Variants in LUC7L2 observed in about 807,000 individuals in gnomAD.
The protein encoded by LUC7L2 is LUC7 like 2, pre-mRNA splicing factor.
Under a neutral mutation model 52.8 loss-of-function variants are expected in LUC7L2, and 25 were observed. The ratio of observed to expected loss-of-function variants is 0.47; its 90% CI spans 0.34 to 0.66. LUC7L2 has a LOEUF of 0.66. Ranked by LOEUF, LUC7L2 falls within the 30% of genes least tolerant of loss-of-function variation. LUC7L2 has a pLI of 0.01. For missense variants in LUC7L2, 328 were observed against 497.8 expected, an observed-to-expected ratio of 0.66 and a Z score of 3.25; for synonymous variants, 144 against 160.9, an observed-to-expected ratio of 0.89 and a Z score of 0.80.
intron 2 of LUC7L2, 47 bp from the exon 3 acceptor site, chr7:139,398,552 T>TA (rs746086729): frequency 6.6e-7 from 1 of 1,522,000 alleles, no homozygotes; most frequent in African/African-American, 1.4e-5. Context: ...AAGCATTTTT[T>TA]AAAAAACTTT....
At position 139,405,658 on chromosome 7, in the gene LUC7L2, T is replaced by C. The variant is rs1795086708; in HGVS notation, c.381T>C (p.His127=). The change falls in exon 5 of 10, where the codon CAT becomes CAC. Residue 127 remains histidine, a synonymous_variant. Transcript: ENST00000354926. ...AEVAAKAERV[H]ELNEEIGKLL... is the part of the protein sequence containing the mutation. ...TTTCTTTTTAGGCAGAACGTGTTCA[T>C]GAGTTAAATGAAGAAATTGGTAAAT... 6.2e-7 allele frequency: 1 copy of C among 1,606,112 alleles called. No homozygotes were observed. Among genetic ancestry groups the C allele is most frequent in the African/African-American group, 1.3e-5 (1 of 74,390 alleles).
intron 1 of LUC7L2, among the ~76,000 whole-genome samples, chr7:139,343,183 T>G (rs535882996): frequency 2.0e-5 from 3 of 152,360 alleles, no homozygotes; most frequent in Non-Finnish European, 4.4e-5. Context: ...CATGTCAAAT[T>G]CCACAAATTT....
chr7:139,361,380 A>G (rs1799873362), intron 1 of LUC7L2, among the ~76,000 whole-genome samples: 1 of 152,228 alleles, frequency 6.6e-6, no homozygotes, highest in Non-Finnish European at 1.5e-5. Flanking sequence ...TTTAAGAGAA[A>G]AGGCACGTCT....
intron 4 of LUC7L2, among the ~76,000 whole-genome samples, chr7:139,402,465 G>T (rs1375771083): frequency 6.6e-6 from 1 of 152,130 alleles, no homozygotes; most frequent in Non-Finnish European, 1.5e-5. Flanking sequence ...TTCAGATTTT[G>T]CCAGTTATGC....
At chr7:139,379,968 G>GTT (rs1030085615) in intron 2 of LUC7L2, among the ~76,000 whole-genome samples, 25 of 151,430 alleles carry the variant, frequency 1.7e-4, no homozygotes, top group Admixed American at 1.6e-3. Context: ...GAGGTCAGGA[G>GTT]TTTGAGACCA....
intron 1 of LUC7L2, 83 bp downstream of exon 1, chr7:139,360,405 G>A (rs1329692044): frequency 1.5e-6 from 2 of 1,336,618 alleles, no homozygotes; most frequent in Non-Finnish European, 2.1e-6. Context: ...ACCTGGGCGC[G>A]CGCGTGTGGC....
At chr7:139,402,568 C>T (rs2131284372) in intron 4 of LUC7L2, among the ~76,000 whole-genome samples, 1 of 152,248 alleles carries the variant, frequency 6.6e-6, no homozygotes, top group South Asian at 2.1e-4. Flanking sequence ...GCTGTGTTGC[C>T]CAGGCTGGAA....
intron 2 of LUC7L2, among the ~76,000 whole-genome samples, 188 bp downstream of exon 2, chr7:139,376,344 T>C (rs1249224280): frequency 6.6e-6 from 1 of 152,180 alleles, no homozygotes; most frequent in African/African-American, 2.4e-5. Context: ...GGTTGATACG[T>C]TTTGTTTTAT....
rs553326217 is a variant in LUC7L2, at chr7:139,403,730, G to C, written c.366+1483G>C. Among the ~76,000 whole-genome samples, 4 of 152,332 alleles carry C rather than the reference G, an allele frequency of 2.6e-5. No homozygotes were observed. In the South Asian group the frequency reaches 8.3e-4, roughly 32 times the overall value. ...TATTTATTTAGCCCATGACTCTGCAGTCAGTGATTTAGGCTGAACTTGACT... is the reference window on the plus strand; with the variant it reads ...TATTTATTTAGCCCATGACTCTGCACTCAGTGATTTAGGCTGAACTTGACT... On this transcript the variant is annotated intron_variant, in intron 4 of 9. Coordinates refer to ENST00000354926, the MANE Select transcript of LUC7L2 (RefSeq NM_016019.5).
rs1028719245 is a variant in LUC7L2 at position 139,391,611 on chromosome 7, C to T, written c.157-6988C>T. Among the ~76,000 whole-genome samples the T allele has an allele frequency of 3.0e-4, 46 of 151,566 alleles. 1 individual carries two copies. The stretch of plus-strand genomic sequence containing the variant: ...GCTTCTTTTTTTTTGGTGGGGGGGA[C>T]AGGGTCTCAGTCTGTCACCCAGGCT... On this transcript the variant is annotated intron_variant, in intron 2 of 9. Transcript: ENST00000354926.
intron 1 of LUC7L2, among the ~76,000 whole-genome samples, chr7:139,348,459 G>T (rs553425470): frequency 6.6e-6 from 1 of 152,122 alleles, no homozygotes; most frequent in Admixed American, 6.5e-5. Flanking sequence ...GGTGGCTCAT[G>T]CCTGTAATCC....
upstream of LUC7L2, among the ~76,000 whole-genome samples, chr7:139,356,407 A>G (rs1174892634): frequency 2.0e-5 from 3 of 151,798 alleles, no homozygotes; most frequent in Non-Finnish European, 4.4e-5. Flanking sequence ...CAAAATAAAG[A>G]TCTTTTTAGA....
chr7:139,375,222 T>C (rs1800647890), intron 1 of LUC7L2: 1 of 984,636 alleles, frequency 1.0e-6, no homozygotes, highest in Non-Finnish European at 1.2e-6. Flanking sequence ...TTAGATTCTT[T>C]AACGTTTTGA....
chr7:139,396,273 C>T (rs1348536816), intron 2 of LUC7L2, among the ~76,000 whole-genome samples: 1 of 151,504 alleles, frequency 6.6e-6, no homozygotes, highest in Non-Finnish European at 1.5e-5. Context: ...TTTGTCTCTA[C>T]TTAAAAAAAA....
intron 4 of LUC7L2, among the ~76,000 whole-genome samples, chr7:139,404,400 G>A (rs1020514997): frequency 1.4e-4 from 22 of 152,088 alleles, no homozygotes; most frequent in African/African-American, 5.1e-4. Context: ...TCTCAGCTAC[G>A]TGGGAGGCTG....
At position 139,359,913 on chromosome 7, in the gene LUC7L2, TG is replaced by T. The variant is rs1317511349; in HGVS notation, c.-347del. ...GTGCGCGCTCCCGTCGTGGCGACGG[TG>T]GCGGCGAGCGGCGTCAGAGCTTGAG... On this transcript the variant is annotated 5_prime_UTR_variant, in exon 1 of 10. Coordinates refer to ENST00000354926, the MANE Select transcript of LUC7L2 (RefSeq NM_016019.5). 9.7e-6 allele frequency: 4 copies of T among 414,476 alleles called. No individual in the cohort carries two copies. Among genetic ancestry groups the T allele is most frequent in the Non-Finnish European group, 1.7e-5 (4 of 234,116 alleles). The allele number at this position is 414,476 out of a possible 1,614,324, so 25.7% of individuals were successfully genotyped here.
chr7:139,352,839 G>GT (rs1386621540), intron 1 of LUC7L2, among the ~76,000 whole-genome samples: 1 of 152,212 alleles, frequency 6.6e-6, no homozygotes, highest in Non-Finnish European at 1.5e-5. Flanking sequence ...AGTCTGTAAA[G>GT]TAAGTTTTAA....
intron 6 of LUC7L2, among the ~76,000 whole-genome samples, chr7:139,407,633 C>A (rs970148704): frequency 6.6e-6 from 1 of 151,992 alleles, no homozygotes; most frequent in African/African-American, 2.4e-5. Flanking sequence ...CATAAAACTT[C>A]ATTGTTATTG....
upstream of LUC7L2, among the ~76,000 whole-genome samples, chr7:139,357,316 C>T (rs975601281): frequency 2.0e-5 from 3 of 152,090 alleles, no homozygotes; most frequent in African/African-American, 7.2e-5. Flanking sequence ...ATCAATGCTT[C>T]CAAGAGTGAA....
Sources: allele counts gnomAD v4.1 joint callset (sites outside exome capture counted in the v4.1 genomes callset), GRCh38; gene constraint gnomAD v4.1.1; transcripts MANE v1.5; gene names NCBI Gene and HGNC (gene_info 2026-07-23, HGNC 2026-07-21).